GPC6: variants seen among roughly 807,000 people sequenced by gnomAD.
GPC6 encodes glypican-6.
A neutral mutation model predicts 55.2 loss-of-function variants in GPC6; 14 were observed. The observed-to-expected ratio is 0.25, with a 90% CI of 0.17 to 0.40. The LOEUF (loss-of-function observed/expected upper bound fraction) is 0.40, where lower values mean the gene tolerates loss of function less well. GPC6 is among the 10% of genes least tolerant of loss of function. GPC6 has a pLI of 1.00. For missense variants in GPC6, 641 were observed against 708.5 expected (o/e 0.90, Z 1.08); for synonymous variants, 278 against 259.6 (o/e 1.07, Z -0.68).
chr13:94,150,739 C>T (rs1485567851), intron 4 of GPC6, among the ~76,000 whole-genome samples: 3 of 145,492 alleles, frequency 2.1e-5, no homozygotes, highest in African/African-American at 7.7e-5. Context: ...ATATTTTTCC[C>T]TAGAAGAAGA....
intron 4 of GPC6, among the ~76,000 whole-genome samples, chr13:94,032,052 G>A (rs1311764655): frequency 6.6e-6 from 1 of 152,008 alleles, no homozygotes; most frequent in East Asian, 1.9e-4. Context: ...ACAAAGGCAG[G>A]GATTCTGTAT....
intron 2 of GPC6, among the ~76,000 whole-genome samples, chr13:93,817,988 A>G (rs935286821): frequency 2.7e-5 from 4 of 147,818 alleles, no homozygotes; most frequent in African/African-American, 7.4e-5. Flanking sequence ...ATAAGTATAT[A>G]TAAAATAAAA....
intron 3 of GPC6, among the ~76,000 whole-genome samples, chr13:93,925,396 A>G (rs1877804362): frequency 6.6e-6 from 1 of 152,208 alleles, no homozygotes. Flanking sequence ...TCCTGGGAAT[A>G]GAAGAAGAGA....
At position 94,190,139 on chromosome 13, in the gene GPC6, C is replaced by T. The variant is rs9561511; in HGVS notation, c.878-96210C>T. On this transcript the variant is annotated intron_variant, in intron 4 of 8. Coordinates refer to ENST00000377047, the MANE Select transcript of GPC6 (RefSeq NM_005708.5). The stretch of plus-strand genomic sequence containing the variant: ...AGGAGTTCGAGACCAGCCTGGCCAT[C>T]ATGGCCATCCCTGTCTTTACTAAAA... 5.0e-3 allele frequency among the ~76,000 whole-genome samples: 756 copies of T among 151,120 alleles called. 33 individuals carry two copies. The East Asian group carries it at 0.095, about 19-fold the overall frequency.
At chr13:93,926,028 A>C (rs559059339) in intron 3 of GPC6, among the ~76,000 whole-genome samples, 8 of 152,308 alleles carry the variant, frequency 5.3e-5, no homozygotes, top group African/African-American at 1.7e-4. Flanking sequence ...CAGCATGTAG[A>C]TATCAGAGTA....
At chr13:93,874,793 T>A (rs1240719925) in intron 3 of GPC6, among the ~76,000 whole-genome samples, 2 of 151,822 alleles carry the variant, frequency 1.3e-5, no homozygotes, top group African/African-American at 4.8e-5. Context: ...GTACCTGGTG[T>A]TCTCAGATCA....
chr13:93,944,757 C>T (rs1018269452), intron 3 of GPC6, among the ~76,000 whole-genome samples: 3 of 152,164 alleles, frequency 2.0e-5, no homozygotes, highest in East Asian at 1.9e-4. Flanking sequence ...ATTCTTTGCA[C>T]ATTTGATTAT....
At chr13:93,992,750 G>C (rs1452672098) in intron 3 of GPC6, among the ~76,000 whole-genome samples, 1 of 152,114 alleles carries the variant, frequency 6.6e-6, no homozygotes, top group Non-Finnish European at 1.5e-5. Flanking sequence ...TCTCAGAATA[G>C]ACTGTCCTTA....
At chr13:93,747,509 C>A (rs375704430) in intron 2 of GPC6, among the ~76,000 whole-genome samples, 20 of 152,290 alleles carry the variant, frequency 1.3e-4, no homozygotes, top group African/African-American at 4.1e-4. Flanking sequence ...CTGTCGCATT[C>A]CCATCATCCA....
chr13:93,231,361 G>T (rs368724283), intron 1 of GPC6, among the ~76,000 whole-genome samples: 7 of 86,234 alleles, frequency 8.1e-5, no homozygotes, highest in East Asian at 4.0e-4. Context: ...ATATATATAC[G>T]TATATATATA....
intron 7 of GPC6, among the ~76,000 whole-genome samples, chr13:94,384,933 T>C (rs1254139996): frequency 6.6e-6 from 1 of 152,168 alleles, no homozygotes; most frequent in East Asian, 1.9e-4. Flanking sequence ...GCAGTATGAT[T>C]AAGTACTCCC....
At chr13:93,999,730 A>G (rs1881715136) in intron 3 of GPC6, among the ~76,000 whole-genome samples, 1 of 152,160 alleles carries the variant, frequency 6.6e-6, no homozygotes, top group Non-Finnish European at 1.5e-5. Flanking sequence ...TGCAAATAAT[A>G]TGGGAGTACA....
At chr13:94,104,189 G>T (rs894376956) in intron 4 of GPC6, among the ~76,000 whole-genome samples, 1 of 152,150 alleles carries the variant, frequency 6.6e-6, no homozygotes, top group Non-Finnish European at 1.5e-5. Flanking sequence ...AATTCAGATG[G>T]TTGTAGATGT....
At chr13:94,138,094 A>G (rs61962332) in intron 4 of GPC6, among the ~76,000 whole-genome samples, 26,630 of 152,184 alleles carry the variant, frequency 0.17, 2,747 homozygotes, top group Non-Finnish European at 0.23. Context: ...AAATATGAAA[A>G]TCTGAAATAT....
intron 3 of GPC6, among the ~76,000 whole-genome samples, chr13:93,839,237 G>T (rs1251209346): frequency 6.6e-6 from 1 of 152,092 alleles, no homozygotes; most frequent in Non-Finnish European, 1.5e-5. Flanking sequence ...CTAGAACAAG[G>T]TGTGCAAAGC....
intron 4 of GPC6, among the ~76,000 whole-genome samples, chr13:94,098,309 A>T (rs1055893881): frequency 6.6e-6 from 1 of 152,170 alleles, no homozygotes; most frequent in Non-Finnish European, 1.5e-5. Flanking sequence ...ACAAATCATT[A>T]ATTAATGGAT....
intron 1 of GPC6, among the ~76,000 whole-genome samples, chr13:93,318,714 T>C (rs1879328246): frequency 6.6e-6 from 1 of 152,098 alleles, no homozygotes; most frequent in Admixed American, 6.6e-5. Context: ...AGCAAAATCA[T>C]GATTCAGAAC....
chr13:93,224,815 A>AG (rs1875713589), upstream of GPC6, among the ~76,000 whole-genome samples: 1 of 152,216 alleles, frequency 6.6e-6, no homozygotes, highest in South Asian at 2.1e-4. Context: ...TCACCAGTAA[A>AG]GCAAGTTATC....
chr13:93,240,424 T>G (rs185944528), intron 1 of GPC6, among the ~76,000 whole-genome samples: 12 of 152,224 alleles, frequency 7.9e-5, no homozygotes, highest in Admixed American at 7.8e-4. Flanking sequence ...TTTGTTGATT[T>G]AATGTCTGAT....
Sources: gnomAD v4.1 joint callset for allele counts (sites outside exome capture counted in the v4.1 genomes callset) on GRCh38, gnomAD v4.1.1 for gene constraint, MANE v1.5 for transcripts, NCBI Gene and HGNC (gene_info 2026-07-23, HGNC 2026-07-21) for gene names.